Variants in RFC1 observed in about 807,000 individuals in gnomAD.
The protein encoded by RFC1 is A1 140 kDa subunit.
Under a neutral mutation model 137.4 loss-of-function variants are expected in RFC1, and 37 were observed. The observed-to-expected ratio is 0.27, with a 90% confidence interval of 0.21 to 0.35. The LOEUF is 0.35. Ranked by LOEUF, RFC1 falls within the 10% of genes least tolerant of loss-of-function variation. The pLI is 1.00. For synonymous variants in RFC1, 429 were observed against 455.7 expected (o/e 0.94, Z 0.75); for missense variants, 1,205 against 1,358.5 (o/e 0.89, Z 1.78).
intron 2 of RFC1, among the ~76,000 whole-genome samples, chr4:39,345,686 A>G (rs1483389225): frequency 1.3e-5 from 2 of 152,018 alleles, no homozygotes; most frequent in African/African-American, 2.4e-5. Context: ...ATGCCTGGCT[A>G]ATTTTTTGTA....
In RFC1 at chr4:39,295,718, C is replaced by T. The variant is rs760028696; in HGVS notation, c.2850G>A (p.Gly950=). The part of the protein sequence containing the change: ...ASVLPGELMR[G]YMTQFPTFPS... ...GGAAGGTGGGAAACTGGGTCATGTACCCCCTCATCAACTCTCCAGGAAGAA... is the reference window on the plus strand; with the variant it reads ...GGAAGGTGGGAAACTGGGTCATGTATCCCCTCATCAACTCTCCAGGAAGAA... Residue 950 remains glycine, a synonymous_variant, in exon 22 of 25, where the codon GGG becomes GGA. Coordinates refer to ENST00000349703, the MANE Select transcript of RFC1 (RefSeq NM_002913.5). The T allele has an allele frequency of 6.2e-7, 1 of 1,613,296 alleles. No individual in the cohort carries two copies. The highest frequency in any genetic ancestry group is 1.3e-5 in the African/African-American group (1 of 74,848).
chr4:39,356,947 G>C (rs758167873), intron 1 of RFC1, among the ~76,000 whole-genome samples: 1 of 152,300 alleles, frequency 6.6e-6, no homozygotes, highest in Non-Finnish European at 1.5e-5. Flanking sequence ...AGAATTTTAA[G>C]AGCCCGCATC....
At position 39,309,001 on chromosome 4, in the gene RFC1, G is replaced by A; in HGVS notation, c.1520C>T (p.Pro507Leu). The stretch of plus-strand genomic sequence containing the variant: ...TCTTTTTCCTTGGACATTTTTTTGG[G>A]GTGTTCTCTCCAGTTTGGACTCTTT... ...MKKESKLERT[P>L]QKNVQGKRKI... The change falls in exon 13 of 25, where the codon CCC (proline) becomes CTC (leucine). Residue 507 changes from proline (P) to leucine (L), a missense_variant. Physicochemically the swap from Pro to Leu is moderately conservative, Grantham distance 98. This residue lies in a region of RFC1 where 962 missense variants were observed against 1,035.3 expected (regional missense o/e 0.93). Transcript: ENST00000349703. The A allele has an allele frequency of 6.2e-7, 1 of 1,610,202 alleles. No individual in the cohort carries two copies. The highest frequency in any genetic ancestry group is 8.5e-7 in the Non-Finnish European group (1 of 1,179,310).
At position 39,352,302 on chromosome 4, in the gene RFC1, A is replaced by T. The variant is rs1448792112; in HGVS notation, c.4-826T>A. Among the ~76,000 whole-genome samples, 3 of 152,182 alleles carry T rather than the reference A, an allele frequency of 2.0e-5. No homozygotes were observed. The East Asian group carries it at 5.8e-4, about 29-fold the overall frequency. ...GTTTTCCTTTATATGATTTTTCAAC[A>T]TCCTGAAGAAAAAAAACCTTTGATG... On this transcript the variant is annotated intron_variant, in intron 1 of 24. Transcript: ENST00000349703.
At chr4:39,295,176 A>C (rs1737917469) in intron 22 of RFC1, among the ~76,000 whole-genome samples, 1 of 152,218 alleles carries the variant, frequency 6.6e-6, no homozygotes, top group African/African-American at 2.4e-5. Flanking sequence ...TACATGCTAA[A>C]CTGTTATTTC....
At chr4:39,348,505 C>G (rs1478906255) in intron 2 of RFC1, among the ~76,000 whole-genome samples, 1 of 138,268 alleles carries the variant, frequency 7.2e-6, no homozygotes, top group Non-Finnish European at 1.6e-5. Context: ...AAGAGAATAG[C>G]AACGGTGTAG....
chr4:39,328,639 G>C (rs75340010), intron 4 of RFC1, among the ~76,000 whole-genome samples: 2 of 152,158 alleles, frequency 1.3e-5, no homozygotes, highest in Non-Finnish European at 2.9e-5. Flanking sequence ...ATGCGGAGGC[G>C]TGCCAGAAGA....
chr4:39,335,727 G>A (rs979622105), intron 4 of RFC1, among the ~76,000 whole-genome samples: 4 of 152,084 alleles, frequency 2.6e-5, no homozygotes, highest in African/African-American at 9.7e-5. Flanking sequence ...AAGGAAATCT[G>A]CCTGACCACA....
intron 23 of RFC1, 121 bp from the exon 24 acceptor site, chr4:39,290,160 A>G (rs901892402): frequency 1.6e-6 from 1 of 625,628 alleles, no homozygotes; most frequent in Non-Finnish European, 2.8e-6. Context: ...ATTTATGTAT[A>G]TACATGTAAA....
intron 9 of RFC1, among the ~76,000 whole-genome samples, chr4:39,320,065 C>A (rs1739434910): frequency 6.6e-6 from 1 of 152,084 alleles, no homozygotes; most frequent in African/African-American, 2.4e-5. Flanking sequence ...AAGTTCCTAC[C>A]AAGGCCGGGC....
intron 7 of RFC1, chr4:39,321,945 A>G (rs1327358666): frequency 2.4e-5 from 3 of 126,658 alleles, no homozygotes; most frequent in East Asian, 6.2e-4. Flanking sequence ...CTACTGTCTT[A>G]ATACCTGCCT....
rs1192048539 is a variant in RFC1, at chr4:39,302,609, G to C, written c.2341-14C>G. ...CATCATAGCACCCTGAAATTGACAA[G>C]GGAGGAGTCCTCAATGATTTTTAAC... is the stretch of plus-strand genomic sequence containing the variant. On this transcript the variant is annotated splice_polypyrimidine_tract_variant and intron_variant, in intron 17 of 24. Coordinates refer to ENST00000349703, the MANE Select transcript of RFC1 (RefSeq NM_002913.5). 1 of 1,554,776 alleles carries C rather than the reference G, an allele frequency of 6.4e-7. No homozygotes were observed. Among genetic ancestry groups the C allele is most frequent in the Non-Finnish European group, 8.8e-7 (1 of 1,137,906 alleles).
chr4:39,330,196 C>G (rs1359634677), intron 4 of RFC1, among the ~76,000 whole-genome samples: 1 of 152,038 alleles, frequency 6.6e-6, no homozygotes, highest in Admixed American at 6.6e-5. Flanking sequence ...TTGCTAAAGG[C>G]CTTACGTCCC....
At chr4:39,321,574 A>G in intron 7 of RFC1, 200 bp from the exon 8 acceptor site, 1 of 526,190 alleles carries the variant, frequency 1.9e-6, no homozygotes. Flanking sequence ...ATGAGGAAAC[A>G]GATGAAAGGG....
chr4:39,333,839 C>T (rs1028663884), intron 4 of RFC1, among the ~76,000 whole-genome samples: 3 of 152,070 alleles, frequency 2.0e-5, no homozygotes, highest in Non-Finnish European at 2.9e-5. Context: ...ATTTTATAAA[C>T]ATTTTTATAA....
Position 39,330,033 on chromosome 4 carries a change from CA to C in RFC1, c.332-2278del, listed in dbSNP as rs1196737895. ...TGGGCGACAGAGTGAGACTCCCTCTCAAAAAAAAAATTTTTTTTTAAATAAA... is the reference window on the plus strand; with the variant it reads ...TGGGCGACAGAGTGAGACTCCCTCTCAAAAAAAAATTTTTTTTTAAATAAA... On this transcript the variant is annotated intron_variant, in intron 4 of 24. Coordinates refer to ENST00000349703, the MANE Select transcript of RFC1 (RefSeq NM_002913.5). 3.2e-3 allele frequency among the ~76,000 whole-genome samples: 491 copies of C among 151,596 alleles called. 2 individuals carry two copies. The highest frequency in any genetic ancestry group is 0.011 in the African/African-American group (469 of 41,350).
chr4:39,314,655 C>T (rs1325064924), intron 10 of RFC1, among the ~76,000 whole-genome samples: 1 of 152,086 alleles, frequency 6.6e-6, no homozygotes. Flanking sequence ...CTGGCATCTT[C>T]CTGCAGGCTC....
intron 2 of RFC1, among the ~76,000 whole-genome samples, chr4:39,350,192 G>C (rs79829492): frequency 1.7e-5 from 2 of 117,850 alleles, no homozygotes; most frequent in African/African-American, 3.1e-5. Flanking sequence ...AAGACAGAAA[G>C]AGAAAGTACT....
At chr4:39,360,931 A>T (rs2109781747) in intron 1 of RFC1, among the ~76,000 whole-genome samples, 1 of 152,334 alleles carries the variant, frequency 6.6e-6, no homozygotes, top group East Asian at 1.9e-4. Context: ...CAGCCCACCA[A>T]ATCCATGAGC....
Sources: allele counts gnomAD v4.1 joint callset (sites outside exome capture counted in the v4.1 genomes callset), GRCh38; gene constraint gnomAD v4.1.1; regional missense constraint gnomAD v4.1.1; transcripts MANE v1.5; gene names NCBI Gene and HGNC (gene_info 2026-07-23, HGNC 2026-07-21).